The following CASP1 variants were observed in gnomAD, a reference collection of about 807,000 sequenced individuals.
CASP1 encodes caspase 1, also known as caspase-1.
In CASP1, 31 loss-of-function variants were observed where a neutral mutation model predicts 41.2. That is an observed-to-expected ratio of 0.75 (90% confidence interval 0.57 to 1.02). The LOEUF (loss-of-function observed/expected upper bound fraction) is 1.02, where lower values mean the gene tolerates loss of function less well. CASP1 is among the 50% of genes least tolerant of loss of function. The probability of loss-of-function intolerance (pLI) is 0.00; values close to 1 mark genes in which losing one functional copy is unlikely to be tolerated. For synonymous variants in CASP1, 163 were observed against 166.5 expected, an observed-to-expected ratio of 0.98 and a Z score of 0.16; for missense variants, 490 against 495.7, an observed-to-expected ratio of 0.99 and a Z score of 0.11.
intron 6 of CASP1, 48 bp downstream of exon 6, chr11:105,029,617 T>C (rs938484400): frequency 2.2e-6 from 3 of 1,380,674 alleles, no homozygotes; most frequent in East Asian, 2.3e-5. Context: ...GCATACAGAG[T>C]AGGATAGTAT....
At chr11:105,034,050 A>T in intron 2 of CASP1, 158 bp downstream of exon 2, 1 of 1,160,016 alleles carries the variant, frequency 8.6e-7, no homozygotes, top group South Asian at 1.3e-5. Context: ...ATCAAAGGAG[A>T]GTCAAGGGAC....
intron 7 of CASP1, among the ~76,000 whole-genome samples, chr11:105,027,327 T>C (rs80178080): frequency 0.027 from 4,061 of 152,146 alleles, 167 homozygotes; most frequent in African/African-American, 0.092. Flanking sequence ...AAATTCTCAA[T>C]TTATGTACTT....
At chr11:105,033,040 C>T (rs761426191) in intron 3 of CASP1, 24 bp downstream of exon 3, 2 of 1,443,686 alleles carry the variant, frequency 1.4e-6, no homozygotes, top group Non-Finnish European at 1.9e-6. Context: ...TCAAAGAATG[C>T]TCTTCCTTTA....
chr11:105,026,505 A>C (rs183917571), intron 8 of CASP1, 149 bp from the exon 9 acceptor site: 1 of 617,592 alleles, frequency 1.6e-6, no homozygotes, highest in African/African-American at 1.8e-5. Flanking sequence ...GTATAACCAT[A>C]TATGTATGTA....
At chr11:105,028,030 G>C (rs1438620074) in intron 7 of CASP1, among the ~76,000 whole-genome samples, 1 of 152,118 alleles carries the variant, frequency 6.6e-6, no homozygotes, top group Non-Finnish European at 1.5e-5. Context: ...GCTACTTAGA[G>C]AGCGGTGAAT....
chr11:105,030,276 T>C (rs535608779), intron 5 of CASP1, 54 bp downstream of exon 5: 2 of 1,401,614 alleles, frequency 1.4e-6, no homozygotes, highest in East Asian at 4.6e-5. Context: ...TTTCTAATAT[T>C]ATTCAGTTAT....
chr11:105,035,246 T>TGAG (rs1863956679), upstream of CASP1: 1 of 1,261,400 alleles, frequency 7.9e-7, no homozygotes, highest in East Asian at 2.3e-5. Flanking sequence ...TTCTTCCCAT[T>TGAG]AAAGAATCAG....
chr11:105,035,616 C>CTTTTTTTT (rs770202897), upstream of CASP1, among the ~76,000 whole-genome samples: 1,373 of 51,920 alleles, frequency 0.026, 80 homozygotes, highest in South Asian at 0.063. Context: ...TTTTTTCTTT[C>CTTTTTTTT]TGTTTTTTTT....
chr11:105,029,784 T>G lies in CASP1; in HGVS notation c.743A>C (p.His248Pro). Residue 248 changes from histidine (H) to proline (P), a missense_variant, in exon 6 of 9, where the codon CAC becomes CCC. By Grantham distance (77) the His-to-Pro change is moderately conservative (BLOSUM62 -2). Coordinates refer to ENST00000533400, the MANE Select transcript of CASP1 (RefSeq NM_001257118.3). ...TAGTATATCTGGGACTTGCTCAGAG[T>G]GTTTCTTCCCACAAATGCCTTCCCG... ...GIREGICGKK[H>P]SEQVPDILQL... 1 of 1,613,578 alleles carries G rather than the reference T, an allele frequency of 6.2e-7. No individual in the cohort carries two copies. Among genetic ancestry groups the G allele is most frequent in the Non-Finnish European group, 8.5e-7 (1 of 1,179,648 alleles).
Position 105,029,668 on chromosome 11 carries a change from C to G in CASP1, c.859G>C (p.Gly287Arg), listed in dbSNP as rs760403802. ...PKVIIIQACRGDSPGVVWFKD... is the reference protein window; with the variant it reads ...PKVIIIQACRRDSPGVVWFKD... ...TCTCAAAGGCATCAGCACTCACCAC[C>G]ACGGCAGGCCTGGATGATGATCACC... Residue 287 changes from glycine to arginine, a missense_variant, in exon 6 of 9, where the codon GGT (glycine) becomes CGT (arginine). Transcript: ENST00000533400. 1.9e-6 allele frequency: 3 copies of G among 1,611,242 alleles called. No individual in the cohort carries two copies.
At chr11:105,027,112 G>A in intron 7 of CASP1, 161 bp from the exon 8 acceptor site, 1 of 672,328 alleles carries the variant, frequency 1.5e-6, no homozygotes. Context: ...TTGGGATTTG[G>A]AAATGAAATA....
chr11:105,029,603 GGATGCATACAGAGTAGGATAGTATTT>G, intron 6 of CASP1, 36 bp downstream of exon 6: 1 of 1,227,192 alleles, frequency 8.1e-7, no homozygotes, highest in Non-Finnish European at 1.2e-6. Flanking sequence ...AAAAATTCTT[GGATGCATACAGAGTAGGATAGTATTT>G]GATTGTCTGG....
At position 105,029,645 on chromosome 11, in the gene CASP1, T is replaced by C; in HGVS notation, c.862+20A>G. On this transcript the variant is annotated intron_variant, in intron 6 of 8. Transcript: ENST00000533400. ...GATAGTATTTGATTGTCTGGTGTTCTCAAAGGCATCAGCACTCACCACCAC... is the reference window on the plus strand; with the variant it reads ...GATAGTATTTGATTGTCTGGTGTTCCCAAAGGCATCAGCACTCACCACCAC... 2 of 1,560,888 alleles carry C rather than the reference T, an allele frequency of 1.3e-6. No individual in the cohort carries two copies. The highest frequency in any genetic ancestry group is 1.8e-6 in the Non-Finnish European group (2 of 1,131,886).
At position 105,034,984 on chromosome 11, in the gene CASP1, C is replaced by T. The variant is rs976933135; in HGVS notation, c.7+123G>A. ...TAGTTCCTTCTCTCCTCCCTCTCCC[C>T]CCTTTTCCTTGCTTCTACTCAAGTA... On this transcript the variant is annotated intron_variant, in intron 1 of 8. Transcript: ENST00000533400. 73 of 1,264,296 alleles carry T rather than the reference C, an allele frequency of 5.8e-5. No homozygotes were observed. The Admixed American group carries it at 1.1e-3, about 19-fold the overall frequency. 78.3% of individuals were successfully genotyped at this position (1,264,296 alleles called of 1,614,324 possible). A position where few individuals can be genotyped will look rare whatever the true frequency, so the allele number is the denominator to read the frequency against.
At chr11:105,033,188 T>C in intron 2 of CASP1, 62 bp from the exon 3 acceptor site, 2 of 908,670 alleles carry the variant, frequency 2.2e-6, no homozygotes, top group Non-Finnish European at 1.8e-6. Flanking sequence ...TTTACCCCAA[T>C]CTGTAAAACA....
At position 105,029,274 on chromosome 11, in the gene CASP1, A is replaced by G. The variant is rs1863521428; in HGVS notation, c.863-7T>C. On this transcript the variant is annotated splice_polypyrimidine_tract_variant and splice_region_variant and intron_variant, in intron 6 of 8. Coordinates refer to ENST00000533400, the MANE Select transcript of CASP1 (RefSeq NM_001257118.3). ...CACACCACACCAGGGCTGTCTGGAAAGACACAGTTTGATTTGTTACTACTA... is the reference window on the plus strand; with the variant it reads ...CACACCACACCAGGGCTGTCTGGAAGGACACAGTTTGATTTGTTACTACTA... The G allele has an allele frequency of 1.2e-6, 2 of 1,608,366 alleles. No homozygotes were observed. Among genetic ancestry groups the G allele is most frequent in the South Asian group, 1.1e-5 (1 of 90,134 alleles).
In CASP1 at chr11:105,029,212, AG is replaced by A; in HGVS notation, c.917del (p.Ser306PhefsTer18). 1 of 1,613,238 alleles carries A rather than the reference AG, an allele frequency of 6.2e-7. No homozygotes were observed. The highest frequency in any genetic ancestry group is 8.5e-7 in the Non-Finnish European group (1 of 1,179,456). On this transcript the variant is annotated frameshift_variant, in exon 7 of 9. Transcript: ENST00000533400. LOFTEE classifies it high-confidence loss of function. ...KDSVGVSGNL[S>X]LPTTEEFEDD... Reference sequence around the variant, plus strand: ...CCTCAAACTCTTCTGTAGTTGGTAAAGATAGGTTTCCAGAAACTCCTACTGA... The same window carrying A: ...CCTCAAACTCTTCTGTAGTTGGTAAAATAGGTTTCCAGAAACTCCTACTGA...
chr11:105,029,380 T>C lies in CASP1; in HGVS notation c.863-113A>G, dbSNP rs1191569532. The C allele has an allele frequency of 7.0e-5, 59 of 847,826 alleles. No homozygotes were observed. In the East Asian group the frequency reaches 1.5e-3, roughly 21 times the overall value. The allele number at this position is 847,826 out of a possible 1,614,324, so 52.5% of individuals were successfully genotyped here. A position where few individuals can be genotyped will look rare whatever the true frequency, so the allele number is the denominator to read the frequency against. ...GTGTTTGCTCTATCATTAATTCACA[T>C]GCAAATAGACACATGCATTTCAGTT... is the stretch of plus-strand genomic sequence containing the variant. On this transcript the variant is annotated intron_variant, in intron 6 of 8. Transcript: ENST00000533400.
chr11:105,036,481 T>C (rs1434485251), upstream of CASP1, among the ~76,000 whole-genome samples: 1 of 152,188 alleles, frequency 6.6e-6, no homozygotes, highest in Non-Finnish European at 1.5e-5. Flanking sequence ...GGGAGGTATC[T>C]GGTGGGATGT....
Sources: allele counts gnomAD v4.1 joint callset (sites outside exome capture counted in the v4.1 genomes callset), GRCh38; gene constraint gnomAD v4.1.1; transcripts MANE v1.5; gene names NCBI Gene and HGNC (gene_info 2026-07-23, HGNC 2026-07-21).